KAZN: variants seen among roughly 807,000 people sequenced by gnomAD.
KAZN encodes the protein kazrin.
KAZN carries 40 observed loss-of-function variants against 87.4 expected under a neutral mutation model. The observed-to-expected ratio is 0.46, with a 90% CI of 0.36 to 0.60. The LOEUF is 0.60. KAZN is among the 20% of genes least tolerant of loss of function. The probability of loss-of-function intolerance (pLI) is 0.00; values close to 1 mark genes in which losing one functional copy is unlikely to be tolerated. For missense variants in KAZN, 898 were observed against 1,073.9 expected, an observed-to-expected ratio of 0.84 and a Z score of 2.29; for synonymous variants, 466 against 458.3, an observed-to-expected ratio of 1.02 and a Z score of -0.22.
At chr1:14,549,205 T>C (rs1254460164) in intron 2 of KAZN, among the ~76,000 whole-genome samples, 1 of 152,214 alleles carries the variant, frequency 6.6e-6, no homozygotes, top group Non-Finnish European at 1.5e-5. Flanking sequence ...TCTGTCTTTC[T>C]TGCACCTTGG....
chr1:14,767,366 G>A (rs1256311771), intron 1 of KAZN, among the ~76,000 whole-genome samples: 1 of 152,204 alleles, frequency 6.6e-6, no homozygotes, highest in Non-Finnish European at 1.5e-5. Flanking sequence ...AGAACAACAG[G>A]TCATGACAGC....
intron 2 of KAZN, among the ~76,000 whole-genome samples, chr1:14,446,296 T>C (rs971151772): frequency 2.0e-5 from 3 of 152,124 alleles, no homozygotes; most frequent in African/African-American, 7.2e-5. Context: ...TAAAAAATAA[T>C]TGAATCCCAC....
intron 2 of KAZN, among the ~76,000 whole-genome samples, chr1:14,225,684 A>G (rs116111142): frequency 2.0e-5 from 3 of 152,262 alleles, no homozygotes; most frequent in African/African-American, 7.2e-5. Context: ...CACATAGGCC[A>G]ATGGAACAGT....
intron 2 of KAZN, among the ~76,000 whole-genome samples, chr1:14,330,430 G>A (rs1656761504): frequency 6.6e-6 from 1 of 152,052 alleles, no homozygotes; most frequent in Non-Finnish European, 1.5e-5. Context: ...TGCCAGTGAG[G>A]AGAAGAAGCA....
chr1:14,808,065 T>A (rs1646279558), intron 1 of KAZN, among the ~76,000 whole-genome samples: 1 of 152,026 alleles, frequency 6.6e-6, no homozygotes, highest in African/African-American at 2.4e-5. Context: ...CCACCTGGGG[T>A]GGCAGTGAAT....
intron 1 of KAZN, among the ~76,000 whole-genome samples, chr1:14,722,412 A>C (rs1328687145): frequency 3.9e-5 from 6 of 152,226 alleles, no homozygotes; most frequent in Non-Finnish European, 7.3e-5. Context: ...TAATTAACAT[A>C]AAAAATTCAA....
chr1:13,893,602 T>A (rs1157041649), exon 1 of KAZN: 2 of 1,531,184 alleles, frequency 1.3e-6, no homozygotes, highest in Admixed American at 4.2e-5. Flanking sequence ...CGGCATCCTT[T>A]GCTCTGACAC....
chr1:14,297,988 G>A (rs1654257206), intron 2 of KAZN, among the ~76,000 whole-genome samples: 1 of 152,138 alleles, frequency 6.6e-6, no homozygotes, highest in Non-Finnish European at 1.5e-5. Context: ...CACTTTGGGA[G>A]GCCGAGGCAG....
intron 8 of KAZN, among the ~76,000 whole-genome samples, chr1:15,093,820 T>C (rs1470440884): frequency 6.6e-6 from 1 of 152,170 alleles, no homozygotes; most frequent in Non-Finnish European, 1.5e-5. Context: ...GTTCATCTTA[T>C]TTAGGAATCA....
chr1:14,182,645 T>A (rs1646222175), intron 2 of KAZN, among the ~76,000 whole-genome samples: 1 of 152,190 alleles, frequency 6.6e-6, no homozygotes, highest in Non-Finnish European at 1.5e-5. Flanking sequence ...TGGCCAGGGA[T>A]GATATGTGAT....
intron 2 of KAZN, among the ~76,000 whole-genome samples, chr1:14,413,538 G>C (rs994093729): frequency 5.9e-5 from 8 of 135,858 alleles, no homozygotes; most frequent in Middle Eastern, 8.5e-3. Flanking sequence ...GCAGTGAGCC[G>C]AGATCGCGCC....
intron 1 of KAZN, among the ~76,000 whole-genome samples, chr1:14,017,942 A>T (rs1640646537): frequency 6.6e-6 from 1 of 152,126 alleles, no homozygotes; most frequent in South Asian, 2.1e-4. Context: ...AATGATCATC[A>T]TCATAACAGC....
intron 2 of KAZN, among the ~76,000 whole-genome samples, chr1:14,247,523 GT>G (rs1370166375): frequency 3.3e-5 from 5 of 152,218 alleles, no homozygotes; most frequent in Non-Finnish European, 5.9e-5. Flanking sequence ...GAGGTGTTCG[GT>G]TTTCTGTTCC....
intron 1 of KAZN, among the ~76,000 whole-genome samples, chr1:14,108,501 G>A (rs61775716): frequency 0.14 from 21,950 of 152,146 alleles, 2,140 homozygotes; most frequent in Middle Eastern, 0.26. Context: ...TGCTCAAAAC[G>A]TGGCATCGTG....
In KAZN at chr1:14,568,592, C is replaced by T. The variant is rs556558373; in HGVS notation, c.250-30391C>T. ...TGAGAACAGCACAGGAAAAATCTGC[C>T]CCCATGATTCAATTACCTCCTACCA... On this transcript the variant is annotated intron_variant, in intron 2 of 16. Coordinates refer to the KAZN transcript ENST00000636203. Among the ~76,000 whole-genome samples the T allele has an allele frequency of 1.7e-3, 255 of 152,210 alleles. 3 individuals are homozygous for T. The highest frequency in any genetic ancestry group is 5.8e-3 in the African/African-American group (242 of 41,508).
intron 2 of KAZN, among the ~76,000 whole-genome samples, chr1:14,236,035 T>C (rs551278305): frequency 6.6e-6 from 1 of 152,316 alleles, no homozygotes; most frequent in South Asian, 2.1e-4. Flanking sequence ...CCTTATCTAA[T>C]ATCATCCTAA....
intron 8 of KAZN, among the ~76,000 whole-genome samples, chr1:15,087,890 C>T (rs759507933): frequency 2.0e-4 from 30 of 152,326 alleles, no homozygotes; most frequent in Non-Finnish European, 3.7e-4. Flanking sequence ...ATTTCATCCT[C>T]ACACCATCCT....
At chr1:14,714,193 C>A (rs1201471151) in intron 1 of KAZN, among the ~76,000 whole-genome samples, 2 of 152,142 alleles carry the variant, frequency 1.3e-5, no homozygotes, top group Non-Finnish European at 2.9e-5. Flanking sequence ...TTTGTTCCTG[C>A]CACCTGGTCC....
In KAZN at chr1:14,639,761, C is replaced by T. The variant is rs191826303; in HGVS notation, c.226+40538C>T. 4.2e-3 allele frequency among the ~76,000 whole-genome samples: 645 copies of T among 152,252 alleles called. 5 individuals carry two copies. Among genetic ancestry groups the T allele is most frequent in the African/African-American group, 0.015 (619 of 41,540 alleles). Reference sequence around the variant, plus strand: ...TTGATCAATCCTCGTGGCTACTGAACACTCAGACCCATCTCTTTTGATTTT... The same window carrying T: ...TTGATCAATCCTCGTGGCTACTGAATACTCAGACCCATCTCTTTTGATTTT... On this transcript the variant is annotated intron_variant, in intron 1 of 14. Transcript: ENST00000376030.
Sources: allele counts gnomAD v4.1 joint callset (sites outside exome capture counted in the v4.1 genomes callset), GRCh38; gene constraint gnomAD v4.1.1; transcripts MANE v1.5; gene names NCBI Gene and HGNC (gene_info 2026-07-23, HGNC 2026-07-21).